Variants in RAD51B observed in about 807,000 individuals in gnomAD.
RAD51B encodes the protein RAD51 paralog B.
In RAD51B, 38 loss-of-function variants were observed where a neutral mutation model predicts 42.2. That is an observed-to-expected ratio of 0.90 (90% CI 0.70 to 1.18). RAD51B has a LOEUF of 1.18. RAD51B is among the 50% of genes most tolerant of loss of function. RAD51B has a pLI of 0.00. For synonymous variants in RAD51B, 154 were observed against 145.2 expected (o/e 1.06, Z -0.43); for missense variants, 373 against 400.7 (o/e 0.93, Z 0.59).
chr14:68,616,395 C>G (rs1230419453), downstream of RAD51B, among the ~76,000 whole-genome samples: 1 of 152,120 alleles, frequency 6.6e-6, no homozygotes, highest in Non-Finnish European at 1.5e-5. Flanking sequence ...TTCAGTATAT[C>G]AAAGAAAGTA....
At chr14:68,655,139 GTGTGTGTGTGTGTA>G (rs968026150) in intron 11 of RAD51B, among the ~76,000 whole-genome samples, 3 of 152,020 alleles carry the variant, frequency 2.0e-5, no homozygotes, top group Non-Finnish European at 2.9e-5. Context: ...GAGTGTGTGT[GTGTGTGTGTGTGTA>G]TGTGTGTGCG....
chr14:67,917,885 A>T (rs542585765), intron 7 of RAD51B, among the ~76,000 whole-genome samples: 1 of 152,266 alleles, frequency 6.6e-6, no homozygotes, highest in South Asian at 2.1e-4. Context: ...ACATCTACCA[A>T]TGGGTTGGTT....
At chr14:68,429,325 G>GCCACACTGACT (rs1260090978) in intron 9 of RAD51B, among the ~76,000 whole-genome samples, 2 of 152,038 alleles carry the variant, frequency 1.3e-5, no homozygotes, top group African/African-American at 4.8e-5. Flanking sequence ...TTGAGGAATC[G>GCCACACTGACT]CCACACTGAC....
chr14:68,503,677 T>C (rs1027912944), intron 10 of RAD51B, among the ~76,000 whole-genome samples: 2 of 152,224 alleles, frequency 1.3e-5, no homozygotes, highest in African/African-American at 4.8e-5. Context: ...CCTACTTGTT[T>C]CAGCCCTGCC....
At chr14:68,577,206 G>C (rs1889999875) in intron 10 of RAD51B, among the ~76,000 whole-genome samples, 1 of 152,194 alleles carries the variant, frequency 6.6e-6, no homozygotes, top group African/African-American at 2.4e-5. Flanking sequence ...CTCAAAAGGA[G>C]ACACATGGGT....
At chr14:68,541,265 A>C (rs1887952390) in intron 10 of RAD51B, 1 of 985,334 alleles carries the variant, frequency 1.0e-6, no homozygotes. Context: ...TAAGTTCTTC[A>C]AATCTGACAA....
intron 8 of RAD51B, among the ~76,000 whole-genome samples, chr14:68,352,908 C>T (rs1166851357): frequency 1.3e-5 from 2 of 152,008 alleles, no homozygotes; most frequent in East Asian, 1.9e-4. Flanking sequence ...CTGGCACGGT[C>T]GGGGGAAGGG....
intron 2 of RAD51B, among the ~76,000 whole-genome samples, chr14:67,824,753 A>G (rs1707229624): frequency 6.6e-6 from 1 of 151,930 alleles, no homozygotes; most frequent in South Asian, 2.1e-4. Flanking sequence ...CAACTACGAA[A>G]TATTATCTCT....
chr14:67,935,904 A>G (rs896829379), intron 7 of RAD51B, among the ~76,000 whole-genome samples: 6 of 152,160 alleles, frequency 3.9e-5, no homozygotes, highest in South Asian at 2.1e-4. Flanking sequence ...GCGGAATTCT[A>G]TTATACCAGA....
At chr14:68,581,936 G>C (rs1021998494) in intron 10 of RAD51B, among the ~76,000 whole-genome samples, 3 of 152,160 alleles carry the variant, frequency 2.0e-5, no homozygotes, top group African/African-American at 7.2e-5. Context: ...AAATGGTGTT[G>C]GGAAAACTGG....
intron 8 of RAD51B, among the ~76,000 whole-genome samples, chr14:68,369,072 G>C (rs942199161): frequency 3.9e-5 from 6 of 152,270 alleles, no homozygotes; most frequent in African/African-American, 1.4e-4. Context: ...AGAGTACCCA[G>C]CTCTTTTCCC....
chr14:68,590,826 C>A (rs1392760485), intron 10 of RAD51B, among the ~76,000 whole-genome samples: 3 of 152,200 alleles, frequency 2.0e-5, no homozygotes, highest in African/African-American at 7.2e-5. Flanking sequence ...GCCCATGATC[C>A]ACCCAATGCT....
intron 1 of RAD51B, among the ~76,000 whole-genome samples, chr14:67,821,941 G>A (rs369732682): frequency 6.6e-6 from 1 of 152,030 alleles, no homozygotes; most frequent in Admixed American, 6.6e-5. Context: ...GAGAAATGAG[G>A]AGGATGTATT....
At chr14:68,124,686 G>T (rs1030590149) in intron 7 of RAD51B, among the ~76,000 whole-genome samples, 2 of 152,174 alleles carry the variant, frequency 1.3e-5, no homozygotes, top group African/African-American at 2.4e-5. Context: ...GGGTGTGGTG[G>T]CTCACACCTG....
chr14:67,902,399 T>C (rs1357689493), intron 7 of RAD51B, among the ~76,000 whole-genome samples: 1 of 152,208 alleles, frequency 6.6e-6, no homozygotes, highest in African/African-American at 2.4e-5. Flanking sequence ...CAGCTAAATC[T>C]GATTTAGTGA....
At chr14:68,137,043 A>AGGCG (rs2078024502) in intron 7 of RAD51B, among the ~76,000 whole-genome samples, 1 of 151,890 alleles carries the variant, frequency 6.6e-6, no homozygotes, top group Non-Finnish European at 1.5e-5. Context: ...TGGGAGGCCG[A>AGGCG]GGAGGGTAGA....
chr14:67,958,570 C>T (rs1044463629), intron 7 of RAD51B, among the ~76,000 whole-genome samples: 4 of 152,310 alleles, frequency 2.6e-5, no homozygotes, highest in South Asian at 2.1e-4. Flanking sequence ...AAACAAAAAA[C>T]TCAGATAAAA....
intron 7 of RAD51B, among the ~76,000 whole-genome samples, chr14:68,204,053 CA>C (rs1443155448): frequency 5.3e-5 from 8 of 152,324 alleles, no homozygotes; most frequent in Non-Finnish European, 8.8e-5. Flanking sequence ...ATTGGAGTAG[CA>C]CTTCTAATTT....
chr14:68,465,254 T>G (rs758027948), intron 9 of RAD51B, among the ~76,000 whole-genome samples: 3 of 152,244 alleles, frequency 2.0e-5, no homozygotes, highest in Non-Finnish European at 4.4e-5. Flanking sequence ...TGCTATTTGA[T>G]CTAAAGGATT....
Sources: gnomAD v4.1 joint callset for allele counts (sites outside exome capture counted in the v4.1 genomes callset) on GRCh38, gnomAD v4.1.1 for gene constraint, MANE v1.5 for transcripts, NCBI Gene and HGNC (gene_info 2026-07-23, HGNC 2026-07-21) for gene names.